DGKH: variants seen among roughly 807,000 people sequenced by gnomAD.
DGKH encodes the protein DAG kinase eta.
In DGKH, 90 loss-of-function variants were observed where a neutral mutation model predicts 159.3. The ratio of observed to expected loss-of-function variants is 0.57; its 90% CI spans 0.48 to 0.67. The LOEUF is 0.67. Ranked by LOEUF, DGKH falls within the 30% of genes least tolerant of loss-of-function variation. DGKH has a pLI of 0.00. For missense variants in DGKH, 1,181 were observed against 1,506.1 expected (o/e 0.78, Z 3.57); for synonymous variants, 536 against 553.8 (o/e 0.97, Z 0.45).
chr13:42,046,681 A>G (rs530968816), upstream of DGKH, among the ~76,000 whole-genome samples: 12 of 152,366 alleles, frequency 7.9e-5, no homozygotes, highest in East Asian at 2.3e-3. Context: ...AATGCCTTTC[A>G]GTTTAATCAC....
chr13:42,159,350 A>G lies in DGKH; in HGVS notation c.707A>G (p.Asp236Gly). The change falls in exon 6 of 30, where the codon GAC becomes GGC. Residue 236 changes from aspartate to glycine, a missense_variant. Coordinates refer to ENST00000337343, the MANE Select transcript of DGKH (RefSeq NM_178009.5). ...ACTACCCTGGCCTCCATCGGGAAGG[A>G]CATTATAGAAGATGAAGATGGCGTA... ...KWTTLASIGK[D>G]IIEDEDGVAM... 6.2e-7 allele frequency: 1 copy of G among 1,604,002 alleles called. No individual in the cohort carries two copies. The highest frequency in any genetic ancestry group is 8.5e-7 in the Non-Finnish European group (1 of 1,175,268).
rs1806113031 is a variant in DGKH, at chr13:42,216,860, A to G, written c.3213+1193A>G. On this transcript the variant is annotated intron_variant, in intron 26 of 29. Coordinates refer to ENST00000337343, the MANE Select transcript of DGKH (RefSeq NM_178009.5). ...TTAACCAGAATCTTCTGCTGGTCCT[A>G]TAGGAAATCCAGTGACCTATGACGA... Among the ~76,000 whole-genome samples, 3 of 152,294 alleles carry G rather than the reference A, an allele frequency of 2.0e-5. No individual in the cohort carries two copies. In the East Asian group the frequency reaches 5.8e-4, roughly 29 times the overall value.
At chr13:42,098,097 G>A (rs1308488541) in intron 1 of DGKH, among the ~76,000 whole-genome samples, 1 of 152,068 alleles carries the variant, frequency 6.6e-6, no homozygotes, top group Non-Finnish European at 1.5e-5. Context: ...TATTGGGAAT[G>A]AGTAGAGCTA....
intron 3 of DGKH, among the ~76,000 whole-genome samples, chr13:42,145,079 C>T (rs898289541): frequency 3.3e-5 from 5 of 152,180 alleles, no homozygotes; most frequent in African/African-American, 7.2e-5. Flanking sequence ...TTTATTCTTA[C>T]GTAAGGATTT....
rs144682038 is a variant in DGKH, at chr13:42,249,140, A to G, written n.4055-3269A>G. 9.9e-3 allele frequency among the ~76,000 whole-genome samples: 1,507 copies of G among 152,208 alleles called. 22 individuals are homozygous for G. The highest frequency in any genetic ancestry group is 0.034 in the African/African-American group (1,426 of 41,530). The stretch of plus-strand genomic sequence containing the variant: ...TGTAATCCCAGCATGTTGAGAGGCC[A>G]AGGTAGGTGGATGGCTTGAGCCCAG... On this transcript the variant is annotated intron_variant and non_coding_transcript_variant, in intron 29 of 30. Transcript: ENST00000498255.
At position 42,235,782 on chromosome 13, in the gene DGKH, C is replaced by A. The variant is rs769299460; in HGVS notation, c.*6594C>A. ...ATTCAAGTAATATATTTATCTACAG[C>A]TGGGAAAATATAATTATTTTCAAAT... On this transcript the variant is annotated 3_prime_UTR_variant, in exon 30 of 30. Transcript: ENST00000337343. 1.3e-5 allele frequency: 2 copies of A among 152,072 alleles called. No individual in the cohort carries two copies. Among genetic ancestry groups the A allele is most frequent in the Admixed American group, 6.5e-5 (1 of 15,278 alleles). The allele number at this position is 152,072 out of a possible 1,614,324, so 9.4% of individuals were successfully genotyped here.
Position 42,229,144 on chromosome 13 carries a change from G to A in DGKH, c.3619G>A (p.Gly1207Arg). 1.9e-6 allele frequency: 3 copies of A among 1,611,410 alleles called. No homozygotes were observed. Among genetic ancestry groups the A allele is most frequent in the Non-Finnish European group, 2.5e-6 (3 of 1,179,244 alleles). The change falls in exon 30 of 30, where the codon GGA becomes AGA. Residue 1207 changes from glycine (G) to arginine (R), a missense_variant. Physicochemically the swap from Gly to Arg is moderately radical, Grantham distance 125. Around this residue, in one of 5 missense-constraint regions of DGKH, gnomAD observed 84 missense variants for 77.9 expected, o/e 1.08. Coordinates refer to ENST00000337343, the MANE Select transcript of DGKH (RefSeq NM_178009.5). The part of the protein sequence containing the change: ...KVGHVKRILQ[G>R]IKELGRSTPQ... ...GGGTCATGTGAAGCGAATTCTCCAGGGAATTAAAGAGCTTGGAAGGAGCAC... is the reference window on the plus strand; with the variant it reads ...GGGTCATGTGAAGCGAATTCTCCAGAGAATTAAAGAGCTTGGAAGGAGCAC...
intron 13 of DGKH, among the ~76,000 whole-genome samples, chr13:42,184,342 A>C (rs983506990): frequency 3.3e-5 from 5 of 152,180 alleles, no homozygotes; most frequent in African/African-American, 1.2e-4. Flanking sequence ...ATTTGCCCAC[A>C]CTTTAAGAAA....
rs918111700 is a variant in DGKH at position 42,230,649 on chromosome 13, T to C, written c.*1461T>C. 5.3e-5 allele frequency: 8 copies of C among 152,090 alleles called. No homozygotes were observed. The highest frequency in any genetic ancestry group is 8.8e-5 in the Non-Finnish European group (6 of 67,982). The allele number at this position is 152,090 out of a possible 1,614,324, so 9.4% of individuals were successfully genotyped here. A position where few individuals can be genotyped will look rare whatever the true frequency, so the allele number is the denominator to read the frequency against. ...TAGCCTGCTAGGTGCTTAATAGATATATATACACACAGATATATACATATA... is the reference window on the plus strand; with the variant it reads ...TAGCCTGCTAGGTGCTTAATAGATACATATACACACAGATATATACATATA... On this transcript the variant is annotated 3_prime_UTR_variant, in exon 30 of 30. Coordinates refer to ENST00000337343, the MANE Select transcript of DGKH (RefSeq NM_178009.5).
At chr13:42,155,201 A>G in intron 3 of DGKH, 90 bp from the exon 4 acceptor site, 1 of 949,864 alleles carries the variant, frequency 1.1e-6, no homozygotes, top group African/African-American at 1.7e-5. Context: ...GACTCAAGTT[A>G]GAAATGGAAT....
chr13:42,242,998 G>C (rs1958542468), downstream of DGKH: 1 of 152,126 alleles, frequency 6.6e-6, no homozygotes, highest in Non-Finnish European at 1.5e-5. Context: ...AAATAATGCA[G>C]AGAGAGCTCG....
chr13:42,123,459 A>G (rs1431031188), intron 1 of DGKH, among the ~76,000 whole-genome samples: 2 of 152,174 alleles, frequency 1.3e-5, no homozygotes, highest in East Asian at 1.9e-4. Flanking sequence ...TAGATTTGAC[A>G]TGATTCATAA....
chr13:42,052,933 T>C (rs1278743002), intron 1 of DGKH, among the ~76,000 whole-genome samples: 1 of 152,286 alleles, frequency 6.6e-6, no homozygotes, highest in East Asian at 1.9e-4. Flanking sequence ...CATTTATTTT[T>C]TATTTTTTGA....
chr13:42,159,242 C>CTTTTTTT, intron 5 of DGKH, 24 bp from the exon 6 acceptor site: 2 of 159,036 alleles, frequency 1.3e-5, no homozygotes, highest in Non-Finnish European at 2.0e-5. Context: ...AAAGCAGTTG[C>CTTTTTTT]TCTTTTTTTT....
intron 28 of DGKH, 166 bp from the exon 29 acceptor site, chr13:42,221,098 T>C: frequency 2.4e-6 from 2 of 839,304 alleles, no homozygotes; most frequent in Non-Finnish European, 1.8e-6. Context: ...GTGTGTAACT[T>C]GCATGGGAAA....
chr13:42,217,258 TCTC>T, intron 26 of DGKH, among the ~76,000 whole-genome samples: 1 of 152,108 alleles, frequency 6.6e-6, no homozygotes, highest in East Asian at 1.9e-4. Context: ...GGGTAGAGAA[TCTC>T]CTTTTTTTTT....
At chr13:42,068,288 A>G (rs1442364786) in intron 1 of DGKH, among the ~76,000 whole-genome samples, 1 of 152,236 alleles carries the variant, frequency 6.6e-6, no homozygotes, top group Non-Finnish European at 1.5e-5. Context: ...GATGTGATGT[A>G]TTAACACTTC....
intron 1 of DGKH, among the ~76,000 whole-genome samples, chr13:42,042,517 T>C (rs2137621961): frequency 6.6e-6 from 1 of 152,350 alleles, no homozygotes; most frequent in African/African-American, 2.4e-5. Context: ...ACTACAATAC[T>C]TTATTCAGAC....
At chr13:42,212,572 C>T (rs1190475930) in intron 24 of DGKH, among the ~76,000 whole-genome samples, 2 of 152,144 alleles carry the variant, frequency 1.3e-5, no homozygotes, top group Admixed American at 6.6e-5. Flanking sequence ...AAAAAGGAAG[C>T]GAAGATTGAC....
Sources: allele counts gnomAD v4.1 joint callset (sites outside exome capture counted in the v4.1 genomes callset), GRCh38; gene constraint gnomAD v4.1.1; regional missense constraint gnomAD v4.1.1; transcripts MANE v1.5; gene names NCBI Gene and HGNC (gene_info 2026-07-23, HGNC 2026-07-21).